The following CADM3 variants were observed in gnomAD, a reference collection of about 807,000 sequenced individuals.
The protein encoded by CADM3 is cell adhesion molecule 3.
Under a neutral mutation model 44.9 loss-of-function variants are expected in CADM3, and 11 were observed. That is an observed-to-expected ratio of 0.25 (90% confidence interval 0.15 to 0.41). CADM3 has a LOEUF of 0.41. Among genes scored for constraint, CADM3 ranks in the 10% least tolerant of loss-of-function variants. The pLI is 1.00. For synonymous variants in CADM3, 207 were observed against 205.2 expected, an observed-to-expected ratio of 1.01 and a Z score of -0.08; for missense variants, 426 against 512.0, an observed-to-expected ratio of 0.83 and a Z score of 1.62.
intron 1 of CADM3, among the ~76,000 whole-genome samples, chr1:159,173,974 T>G (rs959665874): frequency 6.6e-6 from 1 of 152,222 alleles, no homozygotes; most frequent in African/African-American, 2.4e-5. Context: ...AAATGTTACA[T>G]CCTCATATTT....
At chr1:159,173,021 G>A (rs1383002829) in intron 1 of CADM3, among the ~76,000 whole-genome samples, 2 of 152,102 alleles carry the variant, frequency 1.3e-5, no homozygotes, top group Admixed American at 6.5e-5. Context: ...CGCCCTGTCG[G>A]AAGAGGAGGA....
At position 159,192,661 on chromosome 1, in the gene CADM3, G is replaced by C; in HGVS notation, c.313G>C (p.Glu105Gln). 1 of 1,614,114 alleles carries C rather than the reference G, an allele frequency of 6.2e-7. No individual in the cohort carries two copies. Among genetic ancestry groups the C allele is most frequent in the Non-Finnish European group, 8.5e-7 (1 of 1,180,006 alleles). ...ISISNVALAD[E>Q]GEYTCSIFTM... is the part of the protein sequence containing the mutation. Reference sequence around the variant, plus strand: ...CATCAGCAATGTGGCCCTGGCAGACGAGGGCGAGTACACCTGCTCAATCTT... The same window carrying C: ...CATCAGCAATGTGGCCCTGGCAGACCAGGGCGAGTACACCTGCTCAATCTT... The change falls in exon 3 of 9, where the codon GAG becomes CAG. Residue 105 changes from glutamate to glutamine, a missense_variant. Transcript: ENST00000368125.
At chr1:159,196,591 G>C in intron 6 of CADM3, 137 bp downstream of exon 6, 2 of 731,274 alleles carry the variant, frequency 2.7e-6, no homozygotes, top group South Asian at 3.6e-5. Context: ...AATAATGTCC[G>C]CCTGCAATTA....
At chr1:159,174,636 T>G (rs1005832257) in intron 1 of CADM3, among the ~76,000 whole-genome samples, 1 of 152,192 alleles carries the variant, frequency 6.6e-6, no homozygotes, top group Non-Finnish European at 1.5e-5. Context: ...GAACAGGGAT[T>G]GAGAGGGCAA....
chr1:159,193,780 A>G (rs1649772252), intron 4 of CADM3, 90 bp from the exon 5 acceptor site: 1 of 1,544,384 alleles, frequency 6.5e-7, no homozygotes, highest in East Asian at 2.3e-5. Context: ...CTGTACGTCT[A>G]CAATGAGGCC....
intron 2 of CADM3, among the ~76,000 whole-genome samples, 183 bp from the exon 3 acceptor site, chr1:159,192,395 A>C (rs1557936087): frequency 6.6e-6 from 1 of 152,168 alleles, no homozygotes; most frequent in African/African-American, 2.4e-5. Flanking sequence ...CTCTTAGGCT[A>C]CTATGTCTAA....
intron 1 of CADM3, among the ~76,000 whole-genome samples, chr1:159,186,788 T>A (rs1649436542): frequency 6.6e-6 from 1 of 152,142 alleles, no homozygotes; most frequent in African/African-American, 2.4e-5. Flanking sequence ...CATTTCAAAC[T>A]TAGAGGGAGA....
intron 1 of CADM3, among the ~76,000 whole-genome samples, chr1:159,175,313 A>G (rs968101769): frequency 9.9e-5 from 15 of 152,258 alleles, no homozygotes; most frequent in African/African-American, 3.6e-4. Flanking sequence ...CTTGCATAGC[A>G]GAGTTTAGTT....
chr1:159,200,963 G>C lies in CADM3; in HGVS notation c.*41G>C. 6.9e-7 allele frequency: 1 copy of C among 1,455,218 alleles called. No individual in the cohort carries two copies. The allele number at this position is 1,455,218 out of a possible 1,614,324, so 90.1% of individuals were successfully genotyped here. On this transcript the variant is annotated 3_prime_UTR_variant, in exon 9 of 9. Coordinates refer to ENST00000368125, the MANE Select transcript of CADM3 (RefSeq NM_001127173.3). The stretch of plus-strand genomic sequence containing the variant: ...TCCTGCGCCCCCCAGGGGCCCTGTG[G>C]GGACTGCTGGGGCCGTCACCAACCC...
chr1:159,184,575 C>T (rs1053449496), intron 1 of CADM3, among the ~76,000 whole-genome samples: 1 of 152,280 alleles, frequency 6.6e-6, no homozygotes, highest in South Asian at 2.1e-4. Context: ...TCCTGTTCCA[C>T]CATCTGACCT....
At chr1:159,189,478 G>A (rs1649558893) in intron 1 of CADM3, among the ~76,000 whole-genome samples, 1 of 152,188 alleles carries the variant, frequency 6.6e-6, no homozygotes, top group Non-Finnish European at 1.5e-5. Flanking sequence ...TGCGAAGTGG[G>A]AGAACTAGAC....
chr1:159,192,837 T>C lies in CADM3; in HGVS notation c.382+107T>C, dbSNP rs980674926. ...GAGCCAGGCAAGTCTCCAAGCACTT[T>C]AGGAAAGTTCAGCCTGTGTTCCCCT... On this transcript the variant is annotated intron_variant, in intron 3 of 8. Coordinates refer to ENST00000368125, the MANE Select transcript of CADM3 (RefSeq NM_001127173.3). 8 of 1,193,776 alleles carry C rather than the reference T, an allele frequency of 6.7e-6. No homozygotes were observed. In the East Asian group the frequency reaches 1.7e-4, roughly 25 times the overall value. 73.9% of individuals were successfully genotyped at this position (1,193,776 alleles called of 1,614,324 possible). A position where few individuals can be genotyped will look rare whatever the true frequency, so the allele number is the denominator to read the frequency against.
chr1:159,200,631 G>A (rs1312346267), intron 8 of CADM3, among the ~76,000 whole-genome samples, 173 bp from the exon 9 acceptor site: 2 of 152,200 alleles, frequency 1.3e-5, no homozygotes, highest in Non-Finnish European at 2.9e-5. Flanking sequence ...GGTGTGGTCA[G>A]GTGAGGCATG....
intron 1 of CADM3, among the ~76,000 whole-genome samples, chr1:159,182,057 G>GACACACACAC (rs376492660): frequency 1.3e-3 from 185 of 144,078 alleles, no homozygotes; most frequent in African/African-American, 4.4e-3. Flanking sequence ...CACACAGACA[G>GACACACACAC]ACACACACAC....
At chr1:159,183,916 GGC>G (rs1168112650) in intron 1 of CADM3, among the ~76,000 whole-genome samples, 1 of 152,170 alleles carries the variant, frequency 6.6e-6, no homozygotes, top group African/African-American at 2.4e-5. Flanking sequence ...CATCGCTGCT[GGC>G]TGCCCAAGAA....
intron 1 of CADM3, 23 bp from the exon 2 acceptor site, chr1:159,191,913 C>T: frequency 6.2e-7 from 1 of 1,613,596 alleles, no homozygotes; most frequent in Non-Finnish European, 8.5e-7. Flanking sequence ...CCTCAGGAAA[C>T]TAACACTCTT....
At chr1:159,195,083 T>G (rs1649834251) in intron 5 of CADM3, 1 of 152,246 alleles carries the variant, frequency 6.6e-6, no homozygotes, top group Non-Finnish European at 1.5e-5. Context: ...TCAGTGTTAT[T>G]TAATCATATC....
intron 1 of CADM3, among the ~76,000 whole-genome samples, chr1:159,191,442 G>A (rs1027765809): frequency 1.3e-5 from 2 of 152,240 alleles, no homozygotes; most frequent in Non-Finnish European, 2.9e-5. Flanking sequence ...GTAAATGAAT[G>A]TGCAATCCAA....
chr1:159,190,973 A>T (rs1027319788), intron 1 of CADM3, among the ~76,000 whole-genome samples: 6 of 152,212 alleles, frequency 3.9e-5, no homozygotes, highest in Non-Finnish European at 7.3e-5. Flanking sequence ...TGAGTCACAG[A>T]GAGTCAGTTC....
Sources: gnomAD v4.1 joint callset for allele counts (sites outside exome capture counted in the v4.1 genomes callset) on GRCh38, gnomAD v4.1.1 for gene constraint, MANE v1.5 for transcripts, NCBI Gene and HGNC (gene_info 2026-07-23, HGNC 2026-07-21) for gene names.